Variants in SP6 observed in about 807,000 individuals in gnomAD.
The protein encoded by SP6 is Sp6 transcription factor, also known as transcription factor Sp6.
In SP6, 10 loss-of-function variants were observed where a neutral mutation model predicts 23.4. The observed-to-expected ratio is 0.43, with a 90% CI of 0.26 to 0.72. SP6 has a LOEUF of 0.72. Among genes scored for constraint, SP6 ranks in the 30% least tolerant of loss-of-function variants. The pLI, the probability that SP6 is intolerant of heterozygous loss-of-function variation, is 0.23. For missense variants in SP6, 482 were observed against 523.8 expected, an observed-to-expected ratio of 0.92 and a Z score of 0.78; for synonymous variants, 238 against 238.7, an observed-to-expected ratio of 1.00 and a Z score of 0.03.
chr17:47,847,682 T>C lies in SP6; in HGVS notation c.748A>G (p.Lys250Glu). The C allele has an allele frequency of 6.2e-7, 1 of 1,610,300 alleles. No homozygotes were observed. The highest frequency in any genetic ancestry group is 1.1e-5 in the South Asian group (1 of 90,892). Residue 250 changes from lysine (K) to glutamate (E), a missense_variant, in exon 2 of 2, where the codon AAG (lysine) becomes GAG (glutamate). Lys to Glu is a moderately conservative substitution (Grantham distance 56). Around this residue, in one of 3 missense-constraint regions of SP6, gnomAD observed 51 missense variants for 92.1 expected, o/e 0.55. Transcript: ENST00000536300. ...ATGTGGCAGTTGTGCAAATGCTTCT[T>C]CTTGCCCCCATCGGGCCCACATGGA... ...GAPCGPDGGK[K>E]KHLHNCHIPG... is the part of the protein sequence containing the mutation.
chr17:47,859,570 C>A (rs902039465), upstream of SP6, among the ~76,000 whole-genome samples: 1 of 152,210 alleles, frequency 6.6e-6, no homozygotes, highest in Non-Finnish European at 1.5e-5. Context: ...TAAGCCACAG[C>A]TGAGTGAATT....
Position 47,848,351 on chromosome 17 carries a change from G to A in SP6, c.79C>T (p.Gln27Ter). 6.2e-7 allele frequency: 1 copy of A among 1,600,616 alleles called. No homozygotes were observed. The highest frequency in any genetic ancestry group is 8.5e-7 in the Non-Finnish European group (1 of 1,173,682). The change falls in exon 2 of 2, where the codon CAG becomes TAG. Residue 27 changes from glutamine to a stop codon, truncating the protein, a stop_gained. Coordinates refer to ENST00000536300, the MANE Select transcript of SP6 (RefSeq NM_001258248.2). LOFTEE classifies it high-confidence loss of function. The surrounding 1 kb of genome is among the most constrained non-coding windows in gnomAD (Gnocchi z 5.3). ...TGGCCCTGGTAAGTTTGGAGAGGCT[G>A]CAGGTCGAGGCGCGGCGGGGAGGCG... is the stretch of plus-strand genomic sequence containing the variant. ...PHASPPRLDL[Q>*]PLQTYQGHTS...
upstream of SP6, among the ~76,000 whole-genome samples, chr17:47,856,844 A>C (rs183266894): frequency 3.9e-4 from 59 of 151,882 alleles, no homozygotes; most frequent in Non-Finnish European, 6.9e-4. Flanking sequence ...GTACCCCAAG[A>C]CTTACATGCT....
At chr17:47,864,001 CTTTTTTTTT>C in the SP6 span, among the ~76,000 whole-genome samples, 6 of 101,560 alleles carry the variant, frequency 5.9e-5, no homozygotes, top group Admixed American at 3.4e-4. Flanking sequence ...CCGCGCCTGG[CTTTTTTTTT>C]TTTTTTTTTT....
chr17:47,850,185 G>A (rs897524571), intron 1 of SP6, among the ~76,000 whole-genome samples: 1 of 152,198 alleles, frequency 6.6e-6, no homozygotes, highest in African/African-American at 2.4e-5. Context: ...AGGATGGGAA[G>A]GCTAGGATAA....
chr17:47,851,590 C>A (rs557382500), upstream of SP6, among the ~76,000 whole-genome samples: 2 of 152,150 alleles, frequency 1.3e-5, no homozygotes, highest in Non-Finnish European at 2.9e-5. Flanking sequence ...GACAGCCCTG[C>A]CCCGGAACTG....
chr17:47,866,809 T>C, the SP6 span, among the ~76,000 whole-genome samples: 1 of 152,082 alleles, frequency 6.6e-6, no homozygotes, highest in African/African-American at 2.4e-5. Context: ...TTGTGTCCAA[T>C]CACAATTCCT....
At chr17:47,857,765 G>C (rs925395542), upstream of SP6, among the ~76,000 whole-genome samples, 1 of 152,206 alleles carries the variant, frequency 6.6e-6, no homozygotes, top group Non-Finnish European at 1.5e-5. Flanking sequence ...CTGTAGCTTG[G>C]AGTGGGGGGC....
chr17:47,863,703 G>A, the SP6 span, among the ~76,000 whole-genome samples: 9 of 151,228 alleles, frequency 6.0e-5, no homozygotes, highest in East Asian at 1.7e-3. Flanking sequence ...CAAGTAGCTG[G>A]GATTACAGGC....
upstream of SP6, among the ~76,000 whole-genome samples, chr17:47,859,045 G>A (rs1390802106): frequency 6.6e-6 from 1 of 152,032 alleles, no homozygotes; most frequent in African/African-American, 2.4e-5. Flanking sequence ...AAAGGGCTGG[G>A]ATTACAGGCG....
the SP6 span, among the ~76,000 whole-genome samples, chr17:47,867,528 G>A: frequency 0.029 from 4,381 of 152,260 alleles, 76 homozygotes; most frequent in Middle Eastern, 0.14. Flanking sequence ...TGAAGAACCC[G>A]TAATGATCTC....
chr17:47,866,744 G>C, the SP6 span, among the ~76,000 whole-genome samples: 22 of 152,188 alleles, frequency 1.4e-4, no homozygotes, highest in Non-Finnish European at 1.5e-5. Flanking sequence ...ACTCTGGAAA[G>C]AGGGACCCAC....
chr17:47,858,767 C>CTTTTTTTTTTT (rs36092685), upstream of SP6, among the ~76,000 whole-genome samples: 8 of 92,648 alleles, frequency 8.6e-5, 3 homozygotes, highest in Non-Finnish European at 6.1e-5. Flanking sequence ...GATGAAGCAT[C>CTTTTTTTTTTT]TTTTTTTTTT....
chr17:47,856,244 CT>C (rs1223345351), upstream of SP6, among the ~76,000 whole-genome samples: 2 of 152,192 alleles, frequency 1.3e-5, no homozygotes, highest in Admixed American at 6.5e-5. Flanking sequence ...TTTTCATCCT[CT>C]TTTTACATAC....
chr17:47,860,430 GTT>G (rs1198598485), upstream of SP6, among the ~76,000 whole-genome samples: 2 of 152,170 alleles, frequency 1.3e-5, no homozygotes, highest in African/African-American at 4.8e-5. Context: ...GGAAATTTCT[GTT>G]CATCTTTGAA....
Position 47,848,137 on chromosome 17 carries a change from G to T in SP6, c.293C>A (p.Pro98Gln). The change falls in exon 2 of 2, where the codon CCG becomes CAG. Residue 98 changes from proline (P) to glutamine (Q), a missense_variant. By Grantham distance (76) the Pro-to-Gln change is moderately conservative. Around this residue, in one of 3 missense-constraint regions of SP6, gnomAD observed 330 missense variants for 332.3 expected, o/e 0.99. Coordinates refer to ENST00000536300, the MANE Select transcript of SP6 (RefSeq NM_001258248.2). This position sits in a 1 kb window ranked among gnomAD's most constrained non-coding sequence, Gnocchi z 5.3. ...CGATTCATAATGGTGTGACATGTCC[G>T]GCTGCAGGAGCTTGGAAAAGGGGCC... ...APGPFSKLLQ[P>Q]DMSHHYESWF... 1 of 1,613,518 alleles carries T rather than the reference G, an allele frequency of 6.2e-7. No homozygotes were observed. Among genetic ancestry groups the T allele is most frequent in the South Asian group, 1.1e-5 (1 of 91,084 alleles).
In SP6 at chr17:47,847,914, G is replaced by A. The variant is rs1224839549; in HGVS notation, c.516C>T (p.His172=). The A allele has an allele frequency of 2.6e-6, 4 of 1,566,494 alleles. No individual in the cohort carries two copies. The highest frequency in any genetic ancestry group is 3.5e-6 in the Non-Finnish European group (4 of 1,155,740). Reference sequence around the variant, plus strand: ...GCTGCCCTCCGGCAGCTGGAAGGAGGTGGTGCGCATGCGGGTGGGGTGGCG... The same window carrying A: ...GCTGCCCTCCGGCAGCTGGAAGGAGATGGTGCGCATGCGGGTGGGGTGGCG... ...CAPPPHPHAH[H]LLPAAGGQHL... The change falls in exon 2 of 2, where the codon CAC becomes CAT. Residue 172 remains histidine, a synonymous_variant. Coordinates refer to ENST00000536300, the MANE Select transcript of SP6 (RefSeq NM_001258248.2).
chr17:47,875,611 G>A, the SP6 span, among the ~76,000 whole-genome samples: 10 of 152,350 alleles, frequency 6.6e-5, no homozygotes, highest in Non-Finnish European at 1.0e-4. Context: ...AAGCAGCAAC[G>A]CTGGATGGCC....
In SP6 at chr17:47,848,626, G is replaced by A. The variant is rs999743364; in HGVS notation, c.-57-140C>T. On this transcript the variant is annotated intron_variant, in intron 1 of 1. Transcript: ENST00000536300. This position sits in a 1 kb window ranked among gnomAD's most constrained non-coding sequence, Gnocchi z 5.3. ...GACTAGAGATGAGTTTAGAGAATTC[G>A]GGAGTGCGAGGAAGGGTCCAAGATG... is the stretch of plus-strand genomic sequence containing the variant. 11 of 545,352 alleles carry A rather than the reference G, an allele frequency of 2.0e-5. No homozygotes were observed. Among genetic ancestry groups the A allele is most frequent in the Admixed American group, 1.1e-4 (3 of 27,896 alleles). The allele number at this position is 545,352 out of a possible 1,614,324, so 33.8% of individuals were successfully genotyped here.
Sources: gnomAD v4.1 joint callset for allele counts (sites outside exome capture counted in the v4.1 genomes callset) on GRCh38, gnomAD v4.1.1 for gene constraint, gnomAD v4.1.1 regional missense constraint, Gnocchi (gnomAD v3.1) non-coding constraint, MANE v1.5 for transcripts, NCBI Gene and HGNC (gene_info 2026-07-23, HGNC 2026-07-21) for gene names.